EVC2: variants seen among roughly 807,000 people sequenced by gnomAD.
The protein encoded by EVC2 is EvC ciliary complex subunit 2, also known as limbin.
Under a neutral mutation model 149.3 loss-of-function variants are expected in EVC2, and 148 were observed. The ratio of observed to expected loss-of-function variants is 0.99; its 90% confidence interval spans 0.87 to 1.14. The LOEUF is 1.14. Among genes scored for constraint, EVC2 ranks in the 50% most tolerant of loss-of-function variants. The probability of loss-of-function intolerance (pLI) is 0.00; values close to 1 mark genes in which losing one functional copy is unlikely to be tolerated. For synonymous variants in EVC2, 776 were observed against 649.9 expected (o/e 1.19, Z -2.95); for missense variants, 1,854 against 1,627.3 (o/e 1.14, Z -2.40).
chr4:5,584,942 G>T (rs1184153154), intron 16 of EVC2, 92 bp from the exon 17 acceptor site: 1 of 1,355,934 alleles, frequency 7.4e-7, no homozygotes, highest in Non-Finnish European at 1.0e-6. Context: ...TCACAGACCT[G>T]GGATTCTGAG....
At chr4:5,530,331 G>A in the EVC2 span, among the ~76,000 whole-genome samples, 30 of 152,308 alleles carry the variant, frequency 2.0e-4, no homozygotes, top group Admixed American at 1.6e-3. Flanking sequence ...TGGGGCCTAA[G>A]GAGGATCCCA....
In EVC2 at chr4:5,576,538, G is replaced by A; in HGVS notation, c.3058-84C>T. 1.3e-6 allele frequency: 2 copies of A among 1,534,494 alleles called. No individual in the cohort carries two copies. The highest frequency in any genetic ancestry group is 1.7e-6 in the Non-Finnish European group (2 of 1,146,502). ...CAAAATCTGACCTCCTGGGTGTCTTGCTACAAGTCTGGCATGACTCTGTCT... is the reference window on the plus strand; with the variant it reads ...CAAAATCTGACCTCCTGGGTGTCTTACTACAAGTCTGGCATGACTCTGTCT... On this transcript the variant is annotated intron_variant, in intron 17 of 21. Coordinates refer to ENST00000344408, the MANE Select transcript of EVC2 (RefSeq NM_147127.5). This position sits in a 1 kb window ranked among gnomAD's most constrained non-coding sequence, Gnocchi z 4.5.
rs1259693422 is a variant in EVC2, at chr4:5,700,621, G to A, written c.229-2974C>T. On this transcript the variant is annotated intron_variant, in intron 1 of 21. Transcript: ENST00000344408. ...ACCCTGGGCCAGGCCTCCCAGGGCA[G>A]TCTCGCTGGTTTCTGGGCATCTCTG... 2.0e-5 allele frequency among the ~76,000 whole-genome samples: 3 copies of A among 152,166 alleles called. No homozygotes were observed. The East Asian group carries it at 5.8e-4, about 29-fold the overall frequency.
chr4:5,706,024 GC>G (rs1722108675), intron 1 of EVC2, among the ~76,000 whole-genome samples: 1 of 152,078 alleles, frequency 6.6e-6, no homozygotes, highest in African/African-American at 2.4e-5. Flanking sequence ...GCATCAGGGG[GC>G]CAGAGACTTG....
chr4:5,669,053 G>C (rs1180591959), intron 7 of EVC2, among the ~76,000 whole-genome samples: 1 of 152,194 alleles, frequency 6.6e-6, no homozygotes, highest in Non-Finnish European at 1.5e-5. Context: ...GAGTGATGCA[G>C]CTATAAGCCA....
At chr4:5,566,240 A>C (rs936982881) in intron 20 of EVC2, among the ~76,000 whole-genome samples, 7 of 152,222 alleles carry the variant, frequency 4.6e-5, no homozygotes, top group African/African-American at 1.7e-4. Flanking sequence ...GGAGGTGTCA[A>C]GTCAAGCCAA....
intron 7 of EVC2, among the ~76,000 whole-genome samples, chr4:5,674,362 G>A (rs1217190204): frequency 6.6e-6 from 1 of 152,186 alleles, no homozygotes; most frequent in Non-Finnish European, 1.5e-5. Context: ...AACCTGGCCA[G>A]TTCCCAGAGC....
rs571285029 is a variant in EVC2 at position 5,583,027 on chromosome 4, C to T, written c.3057+1596G>A. 3.3e-5 allele frequency among the ~76,000 whole-genome samples: 5 copies of T among 152,268 alleles called. No individual in the cohort carries two copies. The East Asian group carries it at 9.6e-4, about 29-fold the overall frequency. On this transcript the variant is annotated intron_variant, in intron 17 of 21. Coordinates refer to ENST00000344408, the MANE Select transcript of EVC2 (RefSeq NM_147127.5). ...ACCATGAGCCAATTAAACCTCTTTC[C>T]TTTATAAATTACCCAGTCTCAGGGT...
At chr4:5,693,653 T>C (rs2151736000) in intron 3 of EVC2, among the ~76,000 whole-genome samples, 1 of 152,352 alleles carries the variant, frequency 6.6e-6, no homozygotes, top group South Asian at 2.1e-4. Context: ...TGTGGTCATT[T>C]GTGACAGCAG....
intron 21 of EVC2, among the ~76,000 whole-genome samples, chr4:5,543,957 G>A (rs1348482166): frequency 6.6e-6 from 1 of 152,158 alleles, no homozygotes; most frequent in Non-Finnish European, 1.5e-5. Context: ...CCCAAGCACA[G>A]GTGACAGTGT....
intron 9 of EVC2, among the ~76,000 whole-genome samples, chr4:5,645,136 C>T (rs1046378498): frequency 1.6e-4 from 25 of 152,072 alleles, no homozygotes; most frequent in East Asian, 1.9e-4. Flanking sequence ...GCTTCCTTTA[C>T]GGCCATACTA....
chr4:5,651,512 G>T (rs1718144975), intron 9 of EVC2, among the ~76,000 whole-genome samples: 1 of 152,152 alleles, frequency 6.6e-6, no homozygotes, highest in African/African-American at 2.4e-5. Flanking sequence ...GGATGGATTA[G>T]TGGATGAATG....
chr4:5,622,450 C>T lies in EVC2; in HGVS notation c.2501+87G>A. On this transcript the variant is annotated intron_variant, in intron 14 of 21. Transcript: ENST00000344408. This position sits in a 1 kb window ranked among gnomAD's most constrained non-coding sequence, Gnocchi z 5.8. ...TCTGTCTGGGGCCAGGTGTCTCATG[C>T]TTGGCCATCCCCACAACCACAGGGC... 1 of 1,477,674 alleles carries T rather than the reference C, an allele frequency of 6.8e-7. No homozygotes were observed. Among genetic ancestry groups the T allele is most frequent in the Non-Finnish European group, 9.3e-7 (1 of 1,076,090 alleles). 91.5% of individuals were successfully genotyped at this position (1,477,674 alleles called of 1,614,324 possible).
rs1382607750 is a variant in EVC2, at chr4:5,625,469, G to A, written c.2046+280C>T. Among the ~76,000 whole-genome samples the A allele has an allele frequency of 6.6e-6, 1 of 152,296 alleles. No homozygotes were observed. The highest frequency in any genetic ancestry group is 1.5e-5 in the Non-Finnish European group (1 of 68,028). On this transcript the variant is annotated intron_variant, in intron 13 of 21. Transcript: ENST00000344408. The surrounding 1 kb of genome is among the most constrained non-coding windows in gnomAD (Gnocchi z 4.0). Reference sequence around the variant, plus strand: ...ATGTTAGCACCTACCATCATCATTAGTCACTCAAACCAGCACTCCTAATTC... The same window carrying A: ...ATGTTAGCACCTACCATCATCATTAATCACTCAAACCAGCACTCCTAATTC...
the EVC2 span, among the ~76,000 whole-genome samples, chr4:5,534,366 G>C: frequency 6.6e-6 from 1 of 152,216 alleles, no homozygotes; most frequent in Non-Finnish European, 1.5e-5. Flanking sequence ...TGAGTGGATG[G>C]ATGGGTGGAT....
chr4:5,628,505 C>A, intron 12 of EVC2, 54 bp downstream of exon 12: 1 of 1,578,684 alleles, frequency 6.3e-7, no homozygotes, highest in Non-Finnish European at 8.7e-7. Context: ...TCTGTCATAG[C>A]AGCAGAAAAC....
chr4:5,626,426 C>A (rs928724608), intron 12 of EVC2, among the ~76,000 whole-genome samples: 1 of 151,464 alleles, frequency 6.6e-6, no homozygotes, highest in African/African-American at 2.4e-5. Flanking sequence ...CTCCGCCCCT[C>A]CAACTTTAAG....
chr4:5,679,515 G>C lies in EVC2; in HGVS notation c.870+1745C>G, dbSNP rs1474518641. On this transcript the variant is annotated intron_variant, in intron 7 of 21. Coordinates refer to ENST00000344408, the MANE Select transcript of EVC2 (RefSeq NM_147127.5). The surrounding 1 kb of genome is among the most constrained non-coding windows in gnomAD (Gnocchi z 5.1). ...AGCCTCCCAAAGTACTGAGATTACA[G>C]GCATGAGCCACTATGCCTGGCCACT... 6.6e-6 allele frequency among the ~76,000 whole-genome samples: 1 copy of C among 152,164 alleles called. No homozygotes were observed. The highest frequency in any genetic ancestry group is 2.4e-5 in the African/African-American group (1 of 41,446).
At chr4:5,680,091 A>G (rs1396630658) in intron 7 of EVC2, among the ~76,000 whole-genome samples, 2 of 152,180 alleles carry the variant, frequency 1.3e-5, no homozygotes, top group African/African-American at 2.4e-5. Context: ...TTCAGAGGCA[A>G]TAACAGGCAT....
Sources: allele counts gnomAD v4.1 joint callset (sites outside exome capture counted in the v4.1 genomes callset), GRCh38; gene constraint gnomAD v4.1.1; non-coding constraint Gnocchi (gnomAD v3.1); transcripts MANE v1.5; gene names NCBI Gene and HGNC (gene_info 2026-07-23, HGNC 2026-07-21).